FANCA: variants seen among roughly 807,000 people sequenced by gnomAD.
FANCA encodes the protein FA complementation group A, also known as Fanconi anemia group A protein.
FANCA carries 236 observed loss-of-function variants against 194.3 expected under a neutral mutation model. The ratio of observed to expected loss-of-function variants is 1.21; its 90% confidence interval spans 1.09 to 1.35. The LOEUF is 1.35. FANCA is among the 40% of genes most tolerant of loss of function. The probability of loss-of-function intolerance (pLI) is 0.00; values close to 1 mark genes in which losing one functional copy is unlikely to be tolerated. For missense variants in FANCA, 2,628 were observed against 1,813.9 expected (o/e 1.45, Z -8.15); for synonymous variants, 1,014 against 715.8 (o/e 1.42, Z -6.65).
intron 10 of FANCA, chr16:89,798,460 G>A (rs2040322372): frequency 9.2e-7 from 1 of 1,092,736 alleles, no homozygotes; most frequent in Admixed American, 4.5e-5. Flanking sequence ...TGGGAAATGA[G>A]GAGCAAAATA....
chr16:89,739,418 G>C, intron 40 of FANCA, 60 bp downstream of exon 40: 1 of 1,553,694 alleles, frequency 6.4e-7, no homozygotes, highest in Non-Finnish European at 8.7e-7. Context: ...ACCCAGAGGT[G>C]CTGAGATGGG....
chr16:89,771,757 T>G lies in FANCA; in HGVS notation c.2072A>C (p.Asn691Thr). The G allele has an allele frequency of 6.2e-7, 1 of 1,614,116 alleles. No individual in the cohort carries two copies. Among genetic ancestry groups the G allele is most frequent in the South Asian group, 1.1e-5 (1 of 91,072 alleles). The change falls in exon 23 of 43, where the codon AAT (asparagine) becomes ACT (threonine). Residue 691 changes from asparagine to threonine, a missense_variant. Physicochemically the swap from Asn to Thr is moderately conservative, Grantham distance 65 (BLOSUM62 0). Transcript: ENST00000389301. ...SERLRAVLGH[N>T]EDDSSVEISK... ...TATCTCAACGCTGCTGTCATCCTCA[T>G]TGTGGCCCAGGACAGCCCTCAGTCT... is the stretch of plus-strand genomic sequence containing the variant.
intron 10 of FANCA, 74 bp from the exon 11 acceptor site, chr16:89,796,092 C>G (rs2040237607): frequency 8.6e-7 from 1 of 1,165,286 alleles, no homozygotes; most frequent in Non-Finnish European, 1.3e-6. Context: ...CCAGCACAAA[C>G]TGTGGCTCAG....
At chr16:89,796,647 C>T (rs2040258150) in intron 10 of FANCA, among the ~76,000 whole-genome samples, 6 of 152,208 alleles carry the variant, frequency 3.9e-5, no homozygotes, top group Admixed American at 3.3e-4. Context: ...ATACAGACCA[C>T]CAAACCAAAC....
chr16:89,743,807 G>T (rs1249821831), intron 36 of FANCA, among the ~76,000 whole-genome samples: 1 of 151,692 alleles, frequency 6.6e-6, no homozygotes, highest in Non-Finnish European at 1.5e-5. Context: ...TGGGTGACAA[G>T]AGTGAAACTC....
At chr16:89,750,891 T>TTTGTTGTTGTTG (rs140776520) in intron 31 of FANCA, among the ~76,000 whole-genome samples, 3 of 151,954 alleles carry the variant, frequency 2.0e-5, no homozygotes, top group African/African-American at 7.3e-5. Flanking sequence ...TCACAAGTCT[T>TTTGTTGTTGTTG]TTGTTGTTGT....
At chr16:89,752,515 T>A (rs746036198) in intron 30 of FANCA, among the ~76,000 whole-genome samples, 8 of 152,228 alleles carry the variant, frequency 5.3e-5, no homozygotes, top group East Asian at 1.9e-4. Context: ...TGTTCCAGTA[T>A]AATAAAATAT....
At chr16:89,741,996 C>T (rs1325827195) in intron 37 of FANCA, among the ~76,000 whole-genome samples, 2 of 151,322 alleles carry the variant, frequency 1.3e-5, no homozygotes, top group African/African-American at 2.4e-5. Flanking sequence ...AGACAAGTCT[C>T]GCTCTGTCAC....
Position 89,801,780 on chromosome 16 carries a change from C to T in FANCA, c.792+1479G>A, listed in dbSNP as rs572246359. Among the ~76,000 whole-genome samples, 275 of 151,878 alleles carry T rather than the reference C, an allele frequency of 1.8e-3. 1 individual carries two copies. Among genetic ancestry groups the T allele is most frequent in the South Asian group, 4.8e-3 (23 of 4,804 alleles). On this transcript the variant is annotated intron_variant, in intron 8 of 42. Coordinates refer to ENST00000389301, the MANE Select transcript of FANCA (RefSeq NM_000135.4). ...GTGCATGCCTGTAATCCCAGCTATT[C>T]GGGAGGCTGAGGCAGGAGAATCGGT...
intron 30 of FANCA, among the ~76,000 whole-genome samples, chr16:89,757,970 C>T (rs1049539396): frequency 6.6e-6 from 1 of 152,206 alleles, no homozygotes. Context: ...ATCCTCCTGC[C>T]TCAGCCTCCC....
chr16:89,739,698 C>G lies in FANCA; in HGVS notation c.3935-145G>C, dbSNP rs145860920. 5.9e-4 allele frequency: 897 copies of G among 1,513,912 alleles called. 2 individuals are homozygous for G. In the African/African-American group the frequency reaches 0.011, roughly 19 times the overall value. The allele number at this position is 1,513,912 out of a possible 1,614,324, so 93.8% of individuals were successfully genotyped here. ...GGCGAACAGCCTGAGCTGAGGATACCCAGGTACCTGTCAGCAGCTGGGAGA... is the reference window on the plus strand; with the variant it reads ...GGCGAACAGCCTGAGCTGAGGATACGCAGGTACCTGTCAGCAGCTGGGAGA... On this transcript the variant is annotated intron_variant, in intron 39 of 42. Coordinates refer to ENST00000389301, the MANE Select transcript of FANCA (RefSeq NM_000135.4).
chr16:89,801,389 A>G (rs9938865), intron 8 of FANCA, among the ~76,000 whole-genome samples: 78,436 of 149,698 alleles, frequency 0.52, 22,809 homozygotes, highest in East Asian at 0.98. Flanking sequence ...TCAGGGAAAT[A>G]CAAGTCAAAG....
At chr16:89,740,198 G>A (rs2062093959) in intron 38 of FANCA, 99 bp from the exon 39 acceptor site, 1 of 976,020 alleles carries the variant, frequency 1.0e-6, no homozygotes, top group Non-Finnish European at 1.7e-6. Flanking sequence ...TTTCCTCTTT[G>A]CTTATTGTAA....
Position 89,745,005 on chromosome 16 carries a change from G to A in FANCA, c.3580C>T (p.Pro1194Ser), listed in dbSNP as rs1415910337. Residue 1194 changes from proline to serine, a missense_variant, in exon 36 of 43, where the codon CCC becomes TCC. Transcript: ENST00000389301. ...TCTTGTAGCTTCTGCAGTTCCCGGG[G>A]CAGCGGGCTCTGGCAGTGTCTCCTC... ...RWRRHCQSPL[P>S]RELQKLQEGR... 9 of 1,611,154 alleles carry A rather than the reference G, an allele frequency of 5.6e-6. No individual in the cohort carries two copies. Among genetic ancestry groups the A allele is most frequent in the East Asian group, 2.2e-5 (1 of 44,870 alleles).
intron 29 of FANCA, 86 bp downstream of exon 29, chr16:89,761,863 A>G: frequency 9.5e-7 from 1 of 1,055,570 alleles, no homozygotes; most frequent in Non-Finnish European, 1.5e-6. Flanking sequence ...TGGATTCAAG[A>G]GATCTCCTGC....
At chr16:89,798,086 G>A (rs1270835080) in intron 10 of FANCA, among the ~76,000 whole-genome samples, 3 of 152,272 alleles carry the variant, frequency 2.0e-5, no homozygotes, top group African/African-American at 4.8e-5. Flanking sequence ...GCCTCTCAAG[G>A]TGGGGTGTTG....
intron 22 of FANCA, among the ~76,000 whole-genome samples, chr16:89,772,026 C>T (rs1442515374): frequency 1.3e-5 from 2 of 152,174 alleles, no homozygotes; most frequent in East Asian, 1.9e-4. Context: ...TGGGGCCAGA[C>T]GCCATCCACT....
chr16:89,812,058 G>C (rs569151466), intron 3 of FANCA, among the ~76,000 whole-genome samples: 3 of 150,450 alleles, frequency 2.0e-5, no homozygotes, highest in Admixed American at 6.6e-5. Flanking sequence ...AAACCGGGCC[G>C]GGCACGGTGG....
In FANCA at chr16:89,738,081, C is replaced by A; in HGVS notation, c.*520G>T. 6.2e-7 allele frequency: 1 copy of A among 1,614,058 alleles called. No individual in the cohort carries two copies. ...TGGACTTTGCCTGTGACCAGTGTGG[C>A]CGGCGGTTTGAGAAGGCCCACAACC... On this transcript the variant is annotated 3_prime_UTR_variant, in exon 43 of 43. Transcript: ENST00000389301.
Sources: gnomAD v4.1 joint callset for allele counts (sites outside exome capture counted in the v4.1 genomes callset) on GRCh38, gnomAD v4.1.1 for gene constraint, MANE v1.5 for transcripts, NCBI Gene and HGNC (gene_info 2026-07-23, HGNC 2026-07-21) for gene names.